TEC: variants seen among roughly 807,000 people sequenced by gnomAD.
TEC encodes tec protein tyrosine kinase.
TEC carries 72 observed loss-of-function variants against 93.0 expected under a neutral mutation model. That is an observed-to-expected ratio of 0.77 (90% CI 0.64 to 0.94). The LOEUF is 0.94. Among genes scored for constraint, TEC ranks in the 40% least tolerant of loss-of-function variants. TEC has a pLI of 0.00. For missense variants in TEC, 630 were observed against 757.9 expected, an observed-to-expected ratio of 0.83 and a Z score of 1.98; for synonymous variants, 249 against 247.7, an observed-to-expected ratio of 1.01 and a Z score of -0.05.
chr4:48,162,116 C>CCAAAA (rs200900602), intron 8 of TEC, among the ~76,000 whole-genome samples: 1 of 152,100 alleles, frequency 6.6e-6, no homozygotes, highest in Non-Finnish European at 1.5e-5. Context: ...TGGGCTTTGG[C>CCAAAA]CAAAACAAAA....
chr4:48,223,975 G>A (rs2109631157), intron 2 of TEC, among the ~76,000 whole-genome samples: 1 of 152,278 alleles, frequency 6.6e-6, no homozygotes. Context: ...CATCCTCTGG[G>A]ACTCTACTAG....
intron 2 of TEC, among the ~76,000 whole-genome samples, chr4:48,225,541 C>T (rs148300891): frequency 1.1e-4 from 17 of 152,160 alleles, no homozygotes; most frequent in East Asian, 3.9e-4. Context: ...GATTGATCCA[C>T]GGCAAACAGT....
chr4:48,241,226 T>TA (rs1224286773), intron 1 of TEC, among the ~76,000 whole-genome samples: 1 of 151,852 alleles, frequency 6.6e-6, no homozygotes, highest in Non-Finnish European at 1.5e-5. Flanking sequence ...TTTTTTTTTT[T>TA]AAATACCTGT....
chr4:48,173,432 C>CAGGTTGTTTGGT (rs3842586), intron 3 of TEC, among the ~76,000 whole-genome samples: 57,550 of 151,920 alleles, frequency 0.38, 11,902 homozygotes, highest in East Asian at 0.9. Context: ...TTTGGCATCT[C>CAGGTTGTTTGGT]AGGCTGAAGA....
At position 48,149,784 on chromosome 4, in the gene TEC, CAT is replaced by C. The variant is rs1199439443; in HGVS notation, c.873-96_873-95del. On this transcript the variant is annotated intron_variant, in intron 10 of 17. Transcript: ENST00000381501. ...TACAAGGGCAACCACAGTGTCTCTC[CAT>C]ATGATCCCATCTATTCCTGGCACAA... The C allele has an allele frequency of 3.2e-6, 4 of 1,247,204 alleles. No individual in the cohort carries two copies. The Admixed American group carries it at 1.1e-4, about 34-fold the overall frequency. The allele number at this position is 1,247,204 out of a possible 1,614,324, so 77.3% of individuals were successfully genotyped here.
intron 2 of TEC, among the ~76,000 whole-genome samples, chr4:48,187,252 C>A (rs1721914478): frequency 6.6e-6 from 1 of 152,042 alleles, no homozygotes; most frequent in Non-Finnish European, 1.5e-5. Context: ...TAAGAGTCAT[C>A]ACCACTCCCT....
At chr4:48,156,395 T>C (rs1447102540) in intron 9 of TEC, among the ~76,000 whole-genome samples, 2 of 152,152 alleles carry the variant, frequency 1.3e-5, no homozygotes, top group African/African-American at 4.8e-5. Flanking sequence ...CCCTAAAAGT[T>C]TGCTATATAA....
chr4:48,205,501 A>T lies in TEC; in HGVS notation c.138+22976T>A, dbSNP rs999362428. On this transcript the variant is annotated intron_variant, in intron 2 of 17. Transcript: ENST00000381501. ...AAATATATACTATTATTAGCACATC[A>T]CTGTCCCCTGCATTTTAAAAATCAA... Among the ~76,000 whole-genome samples, 16 of 152,174 alleles carry T rather than the reference A, an allele frequency of 1.1e-4. 1 individual carries two copies. Among genetic ancestry groups the T allele is most frequent in the Admixed American group, 1.0e-3 (16 of 15,278 alleles).
intron 1 of TEC, among the ~76,000 whole-genome samples, chr4:48,258,649 G>A (rs1308196375): frequency 1.3e-5 from 2 of 152,154 alleles, no homozygotes; most frequent in African/African-American, 2.4e-5. Flanking sequence ...TGTTCATCGT[G>A]TAGCCCTCTC....
At chr4:48,259,195 T>G (rs1017995704) in intron 1 of TEC, among the ~76,000 whole-genome samples, 1 of 152,234 alleles carries the variant, frequency 6.6e-6, no homozygotes. Context: ...CTGTTAATTA[T>G]GTGTCATTAT....
intron 1 of TEC, among the ~76,000 whole-genome samples, chr4:48,254,728 A>C (rs1478604204): frequency 6.6e-6 from 1 of 152,232 alleles, no homozygotes; most frequent in East Asian, 1.9e-4. Flanking sequence ...ATGTCTATGA[A>C]GAACAGATTT....
In TEC at chr4:48,171,383, T is replaced by G. The variant is rs940793291; in HGVS notation, c.310A>C (p.Lys104Gln). 13 of 1,613,332 alleles carry G rather than the reference T, an allele frequency of 8.1e-6. No individual in the cohort carries two copies. The highest frequency in any genetic ancestry group is 5.0e-5 in the Admixed American group (3 of 59,842). Residue 104 changes from lysine (K) to glutamine (Q), a missense_variant, in exon 4 of 18, where the codon AAG becomes CAG. By Grantham distance (53) the Lys-to-Gln change is moderately conservative. Coordinates refer to ENST00000381501, the MANE Select transcript of TEC (RefSeq NM_003215.3). Reference sequence around the variant, plus strand: ...TGAGTTTTACCTTCTTTTAACTTCTTCACCCACAGGTCCCTGCTTTGTGGA... The same window carrying G: ...TGAGTTTTACCTTCTTTTAACTTCTGCACCCACAGGTCCCTGCTTTGTGGA... ...PSPQSRDLWVKKLKEEIKNNN... is the reference protein window; with the variant it reads ...PSPQSRDLWVQKLKEEIKNNN...
chr4:48,172,888 G>A (rs1194000906), intron 3 of TEC, among the ~76,000 whole-genome samples: 4 of 152,130 alleles, frequency 2.6e-5, no homozygotes, highest in African/African-American at 9.7e-5. Flanking sequence ...ACTATGCACC[G>A]TGAACTAGTC....
At chr4:48,248,342 G>A (rs1302640902) in intron 1 of TEC, among the ~76,000 whole-genome samples, 1 of 152,176 alleles carries the variant, frequency 6.6e-6, no homozygotes, top group Non-Finnish European at 1.5e-5. Context: ...GGGCACACGT[G>A]GCTTCTTGAA....
Position 48,263,636 on chromosome 4 carries a change from C to G in TEC, c.-46+6116G>C, listed in dbSNP as rs1392523778. Among the ~76,000 whole-genome samples, 4 of 152,070 alleles carry G rather than the reference C, an allele frequency of 2.6e-5. No individual in the cohort carries two copies. The East Asian group carries it at 7.7e-4, about 29-fold the overall frequency. On this transcript the variant is annotated intron_variant, in intron 1 of 17. Transcript: ENST00000381501. The stretch of plus-strand genomic sequence containing the variant: ...GGCTGACGCAGGAGAATCACTTGAA[C>G]CCAGGAGCTGAGATCATGCCACTGC...
chr4:48,265,340 A>G (rs745631123), intron 1 of TEC, among the ~76,000 whole-genome samples: 7 of 151,050 alleles, frequency 4.6e-5, no homozygotes, highest in Non-Finnish European at 1.0e-4. Flanking sequence ...TCACAGACAC[A>G]GAAAATAGAG....
intron 2 of TEC, among the ~76,000 whole-genome samples, chr4:48,227,156 T>C (rs1252086569): frequency 6.6e-6 from 1 of 152,002 alleles, no homozygotes; most frequent in Non-Finnish European, 1.5e-5. Flanking sequence ...TGCTCCTAAA[T>C]TACATGAACC....
chr4:48,264,519 C>T (rs1276624113), intron 1 of TEC, among the ~76,000 whole-genome samples: 1 of 152,192 alleles, frequency 6.6e-6, no homozygotes, highest in Non-Finnish European at 1.5e-5. Context: ...ATGGAAAAGG[C>T]TTCTCTGAGG....
chr4:48,169,529 C>T (rs372890289), intron 5 of TEC, among the ~76,000 whole-genome samples: 19 of 152,166 alleles, frequency 1.2e-4, no homozygotes, highest in African/African-American at 4.3e-4. Flanking sequence ...GATCTGGCCT[C>T]GTTCATAATA....
Sources: allele counts gnomAD v4.1 joint callset (sites outside exome capture counted in the v4.1 genomes callset), GRCh38; gene constraint gnomAD v4.1.1; transcripts MANE v1.5; gene names NCBI Gene and HGNC (gene_info 2026-07-23, HGNC 2026-07-21).